The following COL16A1 variants were observed in gnomAD, a reference collection of about 807,000 sequenced individuals.
COL16A1 encodes collagen alpha-1(XVI) chain.
Under a neutral mutation model 266.3 loss-of-function variants are expected in COL16A1, and 189 were observed. That is an observed-to-expected ratio of 0.71 (90% CI 0.63 to 0.80). The LOEUF (loss-of-function observed/expected upper bound fraction) is 0.80, where lower values mean the gene tolerates loss of function less well. Among genes scored for constraint, COL16A1 ranks in the 30% least tolerant of loss-of-function variants. The probability of loss-of-function intolerance (pLI) is 0.00; values close to 1 mark genes in which losing one functional copy is unlikely to be tolerated. For synonymous variants in COL16A1, 740 were observed against 782.3 expected (o/e 0.95, Z 0.90); for missense variants, 1,928 against 2,122.4 (o/e 0.91, Z 1.80).
chr1:31,673,013 G>C, intron 44 of COL16A1, 173 bp from the exon 45 acceptor site: 1 of 700,746 alleles, frequency 1.4e-6, no homozygotes, highest in Non-Finnish European at 2.6e-6. Flanking sequence ...CTCCATCCTC[G>C]GGGGACCCAC....
Position 31,688,407 on chromosome 1 carries a change from T to C in COL16A1, c.1803+60A>G. 1 of 1,592,042 alleles carries C rather than the reference T, an allele frequency of 6.3e-7. No homozygotes were observed. The highest frequency in any genetic ancestry group is 8.6e-7 in the Non-Finnish European group (1 of 1,160,238). ...TACCCTTATTCCCCGCCCGCACCAC[T>C]CCTCCCCTGCCTGCCTGCCAAGAAA... On this transcript the variant is annotated intron_variant, in intron 26 of 70. Coordinates refer to ENST00000373672, the MANE Select transcript of COL16A1 (RefSeq NM_001856.4). This position sits in a 1 kb window ranked among gnomAD's most constrained non-coding sequence, Gnocchi z 4.9.
rs1641207704 is a variant in COL16A1, at chr1:31,656,840, AG to A, written c.4056+192del. The A allele has an allele frequency of 6.6e-6, 4 of 601,598 alleles. No homozygotes were observed. Among genetic ancestry groups the A allele is most frequent in the Non-Finnish European group, 1.1e-5 (4 of 357,880 alleles). The allele number at this position is 601,598 out of a possible 1,614,324, so 37.3% of individuals were successfully genotyped here. ...ACAGGGTTTAAAAAAAAAAAAAAAA[AG>A]GTAAAACAAATCTCACTCCCATCCT... On this transcript the variant is annotated intron_variant, in intron 65 of 70. Coordinates refer to ENST00000373672, the MANE Select transcript of COL16A1 (RefSeq NM_001856.4). The surrounding 1 kb of genome is among the most constrained non-coding windows in gnomAD (Gnocchi z 4.2).
chr1:31,679,252 A>G, intron 42 of COL16A1: 1 of 695,608 alleles, frequency 1.4e-6, no homozygotes, highest in African/African-American at 1.8e-5. Context: ...CCACTACTGT[A>G]TTCACAGCAG....
rs758989965 is a variant in COL16A1, at chr1:31,672,840, T to C, written c.2860A>G (p.Ser954Gly). Residue 954 changes from serine (S) to glycine (G), a missense_variant and splice_region_variant, in exon 45 of 71, where the codon AGT (serine) becomes GGT (glycine). By Grantham distance (56) the Ser-to-Gly change is moderately conservative (BLOSUM62 0). Transcript: ENST00000373672. ...SLPIEQHLLK[S>G]ICGDCVQGQR... is the part of the protein sequence containing the mutation. ...CCCTGGACACAGTCCCCGCAGATAC[T>C]CTGATCAGGGAGTGGGGAGAGGAGT... The C allele has an allele frequency of 1.6e-5, 26 of 1,613,680 alleles. 1 individual carries two copies. In the Admixed American group the frequency reaches 4.3e-4, roughly 27 times the overall value.
rs756023174 is a variant in COL16A1, at chr1:31,661,465, G to T, written c.3727-7C>A. ...CTGTTTTCCCCTTAAAGCCCTGAAAGAAAAAGCAGGGAGTTCTCATGTCCC... is the reference window on the plus strand; with the variant it reads ...CTGTTTTCCCCTTAAAGCCCTGAAATAAAAAGCAGGGAGTTCTCATGTCCC... On this transcript the variant is annotated splice_polypyrimidine_tract_variant and splice_region_variant and intron_variant, in intron 59 of 70. Transcript: ENST00000373672. 6.2e-7 allele frequency: 1 copy of T among 1,614,060 alleles called. No individual in the cohort carries two copies. Among genetic ancestry groups the T allele is most frequent in the Non-Finnish European group, 8.5e-7 (1 of 1,180,040 alleles).
At chr1:31,687,752 G>A (rs1005094564) in intron 26 of COL16A1, among the ~76,000 whole-genome samples, 2 of 152,132 alleles carry the variant, frequency 1.3e-5, no homozygotes, top group African/African-American at 4.8e-5. Flanking sequence ...GGGTGGGGGT[G>A]CAAAGGCCCC....
intron 11 of COL16A1, among the ~76,000 whole-genome samples, chr1:31,694,653 A>G (rs1644416604): frequency 6.6e-6 from 1 of 152,216 alleles, no homozygotes. Flanking sequence ...ATGGTGACTC[A>G]TGCTGCCTAT....
chr1:31,679,516 T>C, intron 42 of COL16A1, 116 bp downstream of exon 42: 2 of 1,613,734 alleles, frequency 1.2e-6, no homozygotes, highest in Non-Finnish European at 1.7e-6. Context: ...GAGTGAGAAA[T>C]GGCATGTCTG....
In COL16A1 at chr1:31,685,140, G is replaced by C. The variant is rs1643905806; in HGVS notation, c.2017-284C>G. ...CTTCTGCCCTGTAGGGATCCTGTGA[G>C]GTTAGACAAGCTAATATGTCGTGTG... On this transcript the variant is annotated intron_variant, in intron 29 of 70. Coordinates refer to ENST00000373672, the MANE Select transcript of COL16A1 (RefSeq NM_001856.4). The surrounding 1 kb of genome is among the most constrained non-coding windows in gnomAD (Gnocchi z 4.0). 6.6e-6 allele frequency among the ~76,000 whole-genome samples: 1 copy of C among 152,168 alleles called. No homozygotes were observed. Among genetic ancestry groups the C allele is most frequent in the South Asian group, 2.1e-4 (1 of 4,828 alleles).
In COL16A1 at chr1:31,656,993, A is replaced by G; in HGVS notation, c.4056+40T>C. On this transcript the variant is annotated intron_variant, in intron 65 of 70. Transcript: ENST00000373672. The surrounding 1 kb of genome is among the most constrained non-coding windows in gnomAD (Gnocchi z 4.2). ...GGTCAGGGCAAGGCGAGGAGCAAGA[A>G]GCACCCCCAAGGAAACAGAGAAGAC... is the stretch of plus-strand genomic sequence containing the variant. 1.2e-6 allele frequency: 2 copies of G among 1,614,016 alleles called. No homozygotes were observed. Among genetic ancestry groups the G allele is most frequent in the Non-Finnish European group, 1.7e-6 (2 of 1,179,894 alleles).
At chr1:31,659,187 G>A (rs1641431592) in intron 62 of COL16A1, among the ~76,000 whole-genome samples, 1 of 152,240 alleles carries the variant, frequency 6.6e-6, no homozygotes, top group African/African-American at 2.4e-5. Context: ...AACCCAGGCT[G>A]AGTGGAGCAT....
chr1:31,675,662 T>G (rs1370601976), intron 42 of COL16A1, among the ~76,000 whole-genome samples: 1 of 152,056 alleles, frequency 6.6e-6, no homozygotes, highest in Non-Finnish European at 1.5e-5. Flanking sequence ...TTCCTTTTCT[T>G]TTTTCTTTTT....
In COL16A1 at chr1:31,697,759, A is replaced by C. The variant is rs372561142; in HGVS notation, c.657+147T>G. On this transcript the variant is annotated intron_variant, in intron 6 of 70. Transcript: ENST00000373672. This position sits in a 1 kb window ranked among gnomAD's most constrained non-coding sequence, Gnocchi z 4.2. Reference sequence around the variant, plus strand: ...CATGAAGGGCCTTGAATGCCAGGTGAATATGTTTAGGCTGCATTTGGAGGG... The same window carrying C: ...CATGAAGGGCCTTGAATGCCAGGTGCATATGTTTAGGCTGCATTTGGAGGG... The C allele has an allele frequency of 1.1e-3, 1,083 of 949,176 alleles. 11 individuals carry two copies. The highest frequency in any genetic ancestry group is 6.5e-3 in the Middle Eastern group (19 of 2,912). 58.8% of individuals were successfully genotyped at this position (949,176 alleles called of 1,614,324 possible).
At chr1:31,700,350 C>T (rs1316960322) in intron 2 of COL16A1, among the ~76,000 whole-genome samples, 1 of 152,242 alleles carries the variant, frequency 6.6e-6, no homozygotes, top group East Asian at 1.9e-4. Flanking sequence ...AGGCCAAGGT[C>T]ACTAAGTGAG....
Position 31,653,666 on chromosome 1 carries a change from A to G in COL16A1, c.4545T>C (p.Gly1515=). 1 of 1,613,486 alleles carries G rather than the reference A, an allele frequency of 6.2e-7. No homozygotes were observed. The highest frequency in any genetic ancestry group is 8.5e-7 in the Non-Finnish European group (1 of 1,179,670). The change falls in exon 70 of 71, where the codon GGT becomes GGC. Residue 1515 remains glycine (G), a synonymous_variant. Coordinates refer to ENST00000373672, the MANE Select transcript of COL16A1 (RefSeq NM_001856.4). Reference sequence around the variant, plus strand: ...CAATGTCCCCTTTTTCACCTTTGGTACCAGGCAATCCTGGAACAAAAGAAA... The same window carrying G: ...CAATGTCCCCTTTTTCACCTTTGGTGCCAGGCAATCCTGGAACAAAAGAAA... ...QGLPGVRGLP[G]TKGEKGDIGI... is the part of the protein sequence containing the mutation.
chr1:31,687,904 A>C (rs112506608), intron 26 of COL16A1, among the ~76,000 whole-genome samples: 1,827 of 152,290 alleles, frequency 0.012, 25 homozygotes, highest in African/African-American at 0.041. Context: ...CAAGCCTGCC[A>C]TTTGTCTCCA....
Position 31,683,447 on chromosome 1 carries a change from C to A in COL16A1, c.2380-78G>T, listed in dbSNP as rs987882805. The A allele has an allele frequency of 6.8e-6, 11 of 1,610,178 alleles. No homozygotes were observed. The African/African-American group carries it at 1.5e-4, about 21-fold the overall frequency. Reference sequence around the variant, plus strand: ...CACTGGCCCTGCCGCACCGGCAGACCTGGTCTGGGTGGGGTATCTGCCAGC... The same window carrying A: ...CACTGGCCCTGCCGCACCGGCAGACATGGTCTGGGTGGGGTATCTGCCAGC... On this transcript the variant is annotated intron_variant, in intron 34 of 70. Coordinates refer to ENST00000373672, the MANE Select transcript of COL16A1 (RefSeq NM_001856.4).
At chr1:31,672,103 T>G (rs1339117187) in intron 47 of COL16A1, among the ~76,000 whole-genome samples, 1 of 151,996 alleles carries the variant, frequency 6.6e-6, no homozygotes, top group East Asian at 1.9e-4. Context: ...GGGGTTGGTG[T>G]GGAGTTCAAT....
chr1:31,689,508 C>T (rs1557678250), intron 23 of COL16A1: 1 of 582,790 alleles, frequency 1.7e-6, no homozygotes, highest in Non-Finnish European at 3.1e-6. Context: ...ACCCTAGAGT[C>T]TCCTGGAAAG....
Sources: gnomAD v4.1 joint callset for allele counts (sites outside exome capture counted in the v4.1 genomes callset) on GRCh38, gnomAD v4.1.1 for gene constraint, Gnocchi (gnomAD v3.1) non-coding constraint, MANE v1.5 for transcripts, NCBI Gene and HGNC (gene_info 2026-07-23, HGNC 2026-07-21) for gene names.